Variants in ACACB observed in about 807,000 individuals in gnomAD.
ACACB encodes acetyl-CoA carboxylase beta.
In ACACB, 209 loss-of-function variants were observed where a neutral mutation model predicts 278.8. The ratio of observed to expected loss-of-function variants is 0.75; its 90% CI spans 0.67 to 0.84. The LOEUF (loss-of-function observed/expected upper bound fraction) is 0.84. ACACB is among the 40% of genes least tolerant of loss of function. ACACB has a pLI of 0.00. For synonymous variants in ACACB, 1,174 were observed against 1,285.6 expected, an observed-to-expected ratio of 0.91 and a Z score of 1.86; for missense variants, 2,850 against 3,269.0, an observed-to-expected ratio of 0.87 and a Z score of 3.13.
chr12:109,200,226 C>T (rs1367824062), intron 18 of ACACB, among the ~76,000 whole-genome samples: 4 of 151,764 alleles, frequency 2.6e-5, no homozygotes, highest in South Asian at 4.2e-4. Flanking sequence ...GTCTGTCACC[C>T]GGGCTGGAGT....
Position 109,193,676 on chromosome 12 carries a change from C to T in ACACB, c.2428C>T (p.Leu810=). 6.2e-7 allele frequency: 1 copy of T among 1,613,990 alleles called. No individual in the cohort carries two copies. The change falls in exon 16 of 53, where the codon CTG becomes TTG. Residue 810 remains leucine (L), a synonymous_variant. Coordinates refer to ENST00000338432, the MANE Select transcript of ACACB (RefSeq NM_001093.4). ...RGQVLPADSL[L]NLVDVELIYG... ...CCAGGTCCTCCCAGCGGATTCACTA[C>T]TGAACCTCGTAGATGTGGAATTAAT...
At position 109,172,043 on chromosome 12, in the gene ACACB, T is replaced by C. The variant is rs1240886001; in HGVS notation, c.1035+129T>C. On this transcript the variant is annotated intron_variant, in intron 5 of 52. Transcript: ENST00000338432. ...ACAAGGCTCCAAATTCCTGGGCTGA[T>C]GTAACACAGAAAAGAGTGTTCAAGT... 4.8e-6 allele frequency: 4 copies of C among 837,076 alleles called. No individual in the cohort carries two copies. The East Asian group carries it at 7.7e-5, about 16-fold the overall frequency. The allele number at this position is 837,076 out of a possible 1,614,324, so 51.9% of individuals were successfully genotyped here.
Position 109,210,093 on chromosome 12 carries a change from ACATG to A in ACACB, c.3249+741_3249+744del, listed in dbSNP as rs754622002. Among the ~76,000 whole-genome samples, 6 of 119,978 alleles carry A rather than the reference ACATG, an allele frequency of 5.0e-5. 1 individual carries two copies. In the East Asian group the frequency reaches 1.5e-3, roughly 29 times the overall value. The allele number at this position is 119,978 out of a possible 152,430, so 78.7% of individuals were successfully genotyped here. On this transcript the variant is annotated intron_variant, in intron 21 of 52. Transcript: ENST00000338432. ...TATGTGTATATATGTATATATACACACATGTGTGTGTATATGTATATATACACGT... is the reference window on the plus strand; with the variant it reads ...TATGTGTATATATGTATATATACACATGTGTGTATATGTATATATACACGT...
chr12:109,210,033 G>A (rs1314517547), intron 21 of ACACB, among the ~76,000 whole-genome samples: 7 of 102,070 alleles, frequency 6.9e-5, no homozygotes, highest in African/African-American at 1.2e-4. Context: ...GTGTATATAT[G>A]TGTATATGTG....
intron 24 of ACACB, among the ~76,000 whole-genome samples, chr12:109,219,900 TG>T (rs2046111513): frequency 6.6e-6 from 1 of 152,146 alleles, no homozygotes; most frequent in South Asian, 2.1e-4. Context: ...ATCCACTCTT[TG>T]GGGGGAGTTC....
chr12:109,239,964 T>C lies in ACACB; in HGVS notation c.4797T>C (p.Thr1599=), dbSNP rs778843959. Residue 1599 remains threonine (T), a synonymous_variant, in exon 35 of 53, where the codon ACT becomes ACC. Transcript: ENST00000338432. The part of the protein sequence containing the change: ...CNHIFLNFVP[T]VIMDPFKIEE... ...ACATCTTCCTCAACTTCGTGCCCAC[T>C]GTCATCATGGACCCCTTCAAGGTCT... The C allele has an allele frequency of 1.9e-5, 30 of 1,613,992 alleles. No homozygotes were observed. The highest frequency in any genetic ancestry group is 2.3e-5 in the Non-Finnish European group (27 of 1,179,990).
In ACACB at chr12:109,264,377, C is replaced by T. The variant is rs201919483; in HGVS notation, c.6933C>T (p.Gly2311=). Residue 2311 remains glycine, a synonymous_variant, in exon 50 of 53, where the codon GGC becomes GGT. Transcript: ENST00000338432. ...CACCCGGCCGGATGCTGGAGAAGGG[C>T]GTCATATCTGTGAGAGCCACAGCTG... ...HDTPGRMLEK[G]VISDILEWKT... The T allele has an allele frequency of 5.4e-5, 87 of 1,613,822 alleles. No homozygotes were observed. In the East Asian group the frequency reaches 1.5e-3, roughly 29 times the overall value.
chr12:109,227,632 T>G (rs1038667267), intron 28 of ACACB, 143 bp downstream of exon 28: 1 of 720,694 alleles, frequency 1.4e-6, no homozygotes, highest in African/African-American at 1.8e-5. Context: ...CTGTGGGAGC[T>G]CCCTGCAGCG....
At chr12:109,119,532 G>A (rs1218517435) in intron 1 of ACACB, among the ~76,000 whole-genome samples, 3 of 151,378 alleles carry the variant, frequency 2.0e-5, no homozygotes, top group East Asian at 1.9e-4. Flanking sequence ...GGAGCTTGCC[G>A]TGAACCGAGA....
At chr12:109,196,964 G>C (rs1481198532) in intron 16 of ACACB, 44 bp from the exon 17 acceptor site, 1 of 1,504,130 alleles carries the variant, frequency 6.6e-7, no homozygotes, top group African/African-American at 1.5e-5. Context: ...TGCTCTGGGA[G>C]CACATCCTGA....
chr12:109,139,352 C>T, intron 1 of ACACB, 45 bp from the exon 2 acceptor site: 1 of 1,543,754 alleles, frequency 6.5e-7, no homozygotes, highest in South Asian at 1.2e-5. Flanking sequence ...AGAGAAATCA[C>T]TTGATTATGT....
chr12:109,246,380 A>G lies in ACACB; in HGVS notation c.5503A>G (p.Ile1835Val), dbSNP rs765652687. 2.5e-6 allele frequency: 4 copies of G among 1,613,408 alleles called. No individual in the cohort carries two copies. The highest frequency in any genetic ancestry group is 3.4e-6 in the Non-Finnish European group (4 of 1,179,932). ...IYVAANSGAR[I>V]GMAEEIKHMF... ...CGTGGCAGCCAACAGTGGCGCCCGTATTGGCATGGCAGAGGAGATCAAACA... is the reference window on the plus strand; with the variant it reads ...CGTGGCAGCCAACAGTGGCGCCCGTGTTGGCATGGCAGAGGAGATCAAACA... The change falls in exon 39 of 53, where the codon ATT becomes GTT. Residue 1835 changes from isoleucine to valine, a missense_variant. Around this residue, in one of 3 missense-constraint regions of ACACB, gnomAD observed 2,265 missense variants for 2,561.3 expected, o/e 0.88. Coordinates refer to ENST00000338432, the MANE Select transcript of ACACB (RefSeq NM_001093.4).
chr12:109,126,781 G>A (rs1347967834), intron 1 of ACACB, among the ~76,000 whole-genome samples: 1 of 152,204 alleles, frequency 6.6e-6, no homozygotes, highest in Non-Finnish European at 1.5e-5. Flanking sequence ...ACCAGGCATT[G>A]TGGATGTGCA....
chr12:109,241,415 C>T, intron 36 of ACACB, 134 bp downstream of exon 36: 2 of 853,456 alleles, frequency 2.3e-6, no homozygotes, highest in South Asian at 1.5e-5. Flanking sequence ...TTGGGGTAGC[C>T]CCCTCTGAGT....
intron 24 of ACACB, among the ~76,000 whole-genome samples, chr12:109,218,555 T>G (rs979099694): frequency 3.3e-5 from 5 of 151,842 alleles, no homozygotes; most frequent in Non-Finnish European, 7.4e-5. Flanking sequence ...CTAAAAATAT[T>G]TTTCTTTGAT....
chr12:109,253,140 G>T lies in ACACB; in HGVS notation c.6027G>T (p.Trp2009Cys). Residue 2009 changes from tryptophan to cysteine, a missense_variant, in exon 43 of 53, where the codon TGG becomes TGT. By Grantham distance (215) the Trp-to-Cys change is radical (BLOSUM62 -2). Around this residue, in one of 3 missense-constraint regions of ACACB, gnomAD observed 579 missense variants for 684.6 expected, o/e 0.85. Transcript: ENST00000338432. ...DFEGVYTILE[W>C]LSYMPKDNHS... Reference sequence around the variant, plus strand: ...AGGGGGTTTATACCATCCTGGAGTGGCTGTCCTATATGCCAAAGGTGCAGT... The same window carrying T: ...AGGGGGTTTATACCATCCTGGAGTGTCTGTCCTATATGCCAAAGGTGCAGT... The T allele has an allele frequency of 6.3e-7, 1 of 1,593,914 alleles. No homozygotes were observed. Among genetic ancestry groups the T allele is most frequent in the Non-Finnish European group, 8.6e-7 (1 of 1,168,148 alleles).
Position 109,166,861 on chromosome 12 carries a change from G to T in ACACB, c.654G>T (p.Arg218Ser), listed in dbSNP as rs1434094294. Reference sequence around the variant, plus strand: ...TCTGTCCCTCATTCTTATTCTGCAGGCCGAGCATGTCGGGACTCCACCTGG... The same window carrying T: ...TCTGTCCCTCATTCTTATTCTGCAGTCCGAGCATGTCGGGACTCCACCTGG... Reference protein sequence around the residue: ...GEAETRVPTMRPSMSGLHLVK... With the variant: ...GEAETRVPTMSPSMSGLHLVK... The change falls in exon 3 of 53, where the codon AGG (arginine) becomes AGT (serine). Residue 218 changes from arginine (R) to serine (S), a missense_variant and splice_region_variant. Arg to Ser is a moderately radical substitution (Grantham distance 110, BLOSUM62 -1). Transcript: ENST00000338432. 9 of 1,613,982 alleles carry T rather than the reference G, an allele frequency of 5.6e-6. No individual in the cohort carries two copies. Among genetic ancestry groups the T allele is most frequent in the Non-Finnish European group, 7.6e-6 (9 of 1,180,000 alleles).
chr12:109,214,488 A>G (rs1220575629), intron 22 of ACACB, among the ~76,000 whole-genome samples: 1 of 152,230 alleles, frequency 6.6e-6, no homozygotes, highest in Admixed American at 6.5e-5. Flanking sequence ...CTCCTAAAAC[A>G]CATAGACTGC....
At chr12:109,126,547 C>T (rs751063225) in intron 1 of ACACB, among the ~76,000 whole-genome samples, 1 of 151,962 alleles carries the variant, frequency 6.6e-6, no homozygotes, top group Non-Finnish European at 1.5e-5. Context: ...AGCTAGATGT[C>T]GTGGTGTGCA....
Sources: allele counts gnomAD v4.1 joint callset (sites outside exome capture counted in the v4.1 genomes callset), GRCh38; gene constraint gnomAD v4.1.1; regional missense constraint gnomAD v4.1.1; transcripts MANE v1.5; gene names NCBI Gene and HGNC (gene_info 2026-07-23, HGNC 2026-07-21).